Variants in VGLL3 observed in about 807,000 individuals in gnomAD.
The protein encoded by VGLL3 is vestigial like family member 3.
VGLL3 carries 18 observed loss-of-function variants against 29.2 expected under a neutral mutation model. The observed-to-expected ratio is 0.62, with a 90% CI of 0.43 to 0.91. VGLL3 has a LOEUF of 0.91. VGLL3 is among the 40% of genes least tolerant of loss of function. The pLI is 0.00. For synonymous variants in VGLL3, 180 were observed against 151.8 expected (o/e 1.19, Z -1.36); for missense variants, 440 against 413.2 (o/e 1.06, Z -0.56).
intron 3 of VGLL3, among the ~76,000 whole-genome samples, chr3:86,965,755 G>A (rs1704944652): frequency 6.6e-6 from 1 of 152,132 alleles, no homozygotes; most frequent in African/African-American, 2.4e-5. Flanking sequence ...ATTCAGGAAT[G>A]TAAAAGCCCA....
At chr3:86,947,408 GA>G (rs1704530285) in intron 3 of VGLL3, among the ~76,000 whole-genome samples, 1 of 152,078 alleles carries the variant, frequency 6.6e-6, no homozygotes, top group Non-Finnish European at 1.5e-5. Flanking sequence ...GATATTGGGA[GA>G]AAAAAGACAT....
At chr3:86,969,323 T>C (rs1705040329) in intron 2 of VGLL3, among the ~76,000 whole-genome samples, 200 bp from the exon 3 acceptor site, 1 of 152,188 alleles carries the variant, frequency 6.6e-6, no homozygotes, top group Non-Finnish European at 1.5e-5. Context: ...ATGTGCAAGA[T>C]CCAAAGTGTT....
chr3:86,946,565 A>G lies in VGLL3; in HGVS notation c.*459T>C, dbSNP rs1704510694. 6.6e-6 allele frequency: 1 copy of G among 152,586 alleles called. No individual in the cohort carries two copies. Among genetic ancestry groups the G allele is most frequent in the South Asian group, 2.1e-4 (1 of 4,844 alleles). 9.5% of individuals were successfully genotyped at this position (152,586 alleles called of 1,614,324 possible). Reference sequence around the variant, plus strand: ...ACTCAACAATTTTTACAATTTTAAAAAAAATACATCCCTCAAAAATAGCCC... The same window carrying G: ...ACTCAACAATTTTTACAATTTTAAAGAAAATACATCCCTCAAAAATAGCCC... On this transcript the variant is annotated 3_prime_UTR_variant, in exon 4 of 4. Coordinates refer to ENST00000398399, the MANE Select transcript of VGLL3 (RefSeq NM_016206.4).
intron 1 of VGLL3, among the ~76,000 whole-genome samples, chr3:86,979,473 T>C (rs2063927330): frequency 6.6e-6 from 1 of 152,140 alleles, no homozygotes; most frequent in African/African-American, 2.4e-5. Flanking sequence ...TTAGTGAAAA[T>C]ATTACAAAAT....
chr3:86,989,050 T>C (rs1432309960), intron 1 of VGLL3, among the ~76,000 whole-genome samples: 2 of 152,192 alleles, frequency 1.3e-5, no homozygotes, highest in Non-Finnish European at 2.9e-5. Context: ...CAATTTGCCA[T>C]TTTCTCTGAT....
At chr3:86,956,463 T>C (rs1420736282) in intron 3 of VGLL3, among the ~76,000 whole-genome samples, 2 of 152,196 alleles carry the variant, frequency 1.3e-5, no homozygotes, top group African/African-American at 4.8e-5. Flanking sequence ...CAAAAGATGA[T>C]GGCATTGCCT....
At chr3:86,964,296 A>G (rs1353307225) in intron 3 of VGLL3, among the ~76,000 whole-genome samples, 1 of 152,192 alleles carries the variant, frequency 6.6e-6, no homozygotes, top group Non-Finnish European at 1.5e-5. Context: ...GGCAAAGCAT[A>G]AAATATTTTT....
At chr3:86,982,633 G>T (rs1705350824) in intron 1 of VGLL3, among the ~76,000 whole-genome samples, 2 of 152,052 alleles carry the variant, frequency 1.3e-5, no homozygotes, top group Admixed American at 6.6e-5. Flanking sequence ...CCTGATTGAA[G>T]GTCACAATGT....
At chr3:86,981,452 G>C (rs1023727896) in intron 1 of VGLL3, among the ~76,000 whole-genome samples, 4 of 151,656 alleles carry the variant, frequency 2.6e-5, no homozygotes, top group Admixed American at 6.6e-5. Context: ...TTTAGAAAAA[G>C]AATTCTCTCA....
chr3:86,956,984 T>C (rs1704737735), intron 3 of VGLL3, among the ~76,000 whole-genome samples: 1 of 152,146 alleles, frequency 6.6e-6, no homozygotes, highest in Non-Finnish European at 1.5e-5. Flanking sequence ...TTGAGCCTAA[T>C]TCATAGTCTA....
chr3:86,990,528 G>A (rs879834752), intron 1 of VGLL3, 90 bp downstream of exon 1: 5 of 1,298,830 alleles, frequency 3.8e-6, no homozygotes, highest in Non-Finnish European at 3.9e-6. Flanking sequence ...TCTGCGCCAC[G>A]CGTGCCGGCG....
intron 2 of VGLL3, among the ~76,000 whole-genome samples, chr3:86,969,667 C>T (rs1220503207): frequency 6.7e-6 from 1 of 148,696 alleles, no homozygotes; most frequent in African/African-American, 2.5e-5. Flanking sequence ...GAGTGTATTC[C>T]AACCTCATTT....
chr3:86,958,475 C>T (rs1704772504), intron 3 of VGLL3, among the ~76,000 whole-genome samples: 1 of 152,200 alleles, frequency 6.6e-6, no homozygotes, highest in African/African-American at 2.4e-5. Flanking sequence ...CTTTACAAAG[C>T]TCCTGCACCT....
At chr3:86,960,932 GATATATATATAT>G (rs57744873) in intron 3 of VGLL3, among the ~76,000 whole-genome samples, 16,020 of 137,770 alleles carry the variant, frequency 0.12, 1,226 homozygotes, top group Admixed American at 0.25. Context: ...AAGTAATTGT[GATATATATATAT>G]ATATATATAT....
At chr3:86,981,539 A>G (rs1203740328) in intron 1 of VGLL3, among the ~76,000 whole-genome samples, 1 of 151,834 alleles carries the variant, frequency 6.6e-6, no homozygotes, top group African/African-American at 2.4e-5. Context: ...ATACTGAAAT[A>G]TTCCTTTTTG....
chr3:86,970,673 T>C (rs1705080990), intron 2 of VGLL3, among the ~76,000 whole-genome samples: 4 of 152,138 alleles, frequency 2.6e-5, no homozygotes, highest in Admixed American at 2.6e-4. Context: ...TGGCAGGGTC[T>C]CAATGGGCTT....
chr3:86,983,982 G>A (rs923901130), intron 1 of VGLL3, among the ~76,000 whole-genome samples: 4 of 152,086 alleles, frequency 2.6e-5, no homozygotes, highest in Admixed American at 1.3e-4. Context: ...CCAGAAAATA[G>A]ACTAAAGAAA....
chr3:86,979,828 T>C lies in VGLL3; in HGVS notation c.127-1026A>G, dbSNP rs529430343. On this transcript the variant is annotated intron_variant, in intron 1 of 3. Coordinates refer to ENST00000398399, the MANE Select transcript of VGLL3 (RefSeq NM_016206.4). ...GGGAGGGATATCTAGCATATAGATA[T>C]GCGTGTGCATACATTTGGTGGGGAA... 2.6e-5 allele frequency among the ~76,000 whole-genome samples: 4 copies of C among 152,274 alleles called. No homozygotes were observed. The East Asian group carries it at 5.8e-4, about 22-fold the overall frequency.
In VGLL3 at chr3:86,968,727, AC is replaced by A; in HGVS notation, c.799del (p.Val267CysfsTer36). On this transcript the variant is annotated frameshift_variant, in exon 3 of 4. Transcript: ENST00000398399. LOFTEE classifies it high-confidence loss of function. ...GGGAGCAGGAATCCTGGCCGCATGC[AC>A]TGAAGGCATCAGCAGAGGCCCATAG... is the stretch of plus-strand genomic sequence containing the variant. ...PSYGPLLMPS[V>X]HAARIPAPQC... 6.2e-7 allele frequency: 1 copy of A among 1,614,138 alleles called. No homozygotes were observed. The highest frequency in any genetic ancestry group is 8.5e-7 in the Non-Finnish European group (1 of 1,180,036).
Sources: allele counts gnomAD v4.1 joint callset (sites outside exome capture counted in the v4.1 genomes callset), GRCh38; gene constraint gnomAD v4.1.1; transcripts MANE v1.5; gene names NCBI Gene and HGNC (gene_info 2026-07-23, HGNC 2026-07-21).